PSKH2: variants seen among roughly 807,000 people sequenced by gnomAD.
The protein encoded by PSKH2 is protein serine kinase H2.
In PSKH2, 16 loss-of-function variants were observed where a neutral mutation model predicts 22.5. That is an observed-to-expected ratio of 0.71 (90% CI 0.48 to 1.08). The LOEUF (loss-of-function observed/expected upper bound fraction) is 1.08. Among genes scored for constraint, PSKH2 ranks in the 50% least tolerant of loss-of-function variants. PSKH2 has a pLI of 0.00. For synonymous variants in PSKH2, 188 were observed against 184.8 expected (o/e 1.02, Z -0.14); for missense variants, 516 against 492.8 (o/e 1.05, Z -0.44).
chr8:86,068,799 C>T (rs1361169499), intron 1 of PSKH2, among the ~76,000 whole-genome samples: 1 of 152,172 alleles, frequency 6.6e-6, no homozygotes, highest in African/African-American at 2.4e-5. Context: ...TCTTCCACCG[C>T]AGATGCTGGA....
intron 2 of PSKH2, among the ~76,000 whole-genome samples, chr8:86,051,189 C>CCATGCTGGGAGAGTGCCTCACTCTCA (rs565957544): frequency 1.0e-3 from 158 of 152,094 alleles, no homozygotes; most frequent in African/African-American, 2.7e-3. Context: ...CCTCACTCTC[C>CCATGCTGGGAGAGTGCCTCACTCTCA]CATGCTGGGA....
intron 2 of PSKH2, among the ~76,000 whole-genome samples, chr8:86,057,728 T>C (rs904574352): frequency 6.6e-6 from 1 of 152,184 alleles, no homozygotes; most frequent in Non-Finnish European, 1.5e-5. Flanking sequence ...TATTCCTTTA[T>C]GTGCTTTTGC....
chr8:86,065,977 T>TA (rs1275155724), intron 1 of PSKH2, among the ~76,000 whole-genome samples: 2 of 151,934 alleles, frequency 1.3e-5, no homozygotes, highest in Admixed American at 6.6e-5. Context: ...TCTCAAAAAT[T>TA]AAAAAAATAA....
chr8:86,056,454 C>T (rs76086959), intron 2 of PSKH2, among the ~76,000 whole-genome samples: 4,911 of 152,164 alleles, frequency 0.032, 272 homozygotes, highest in African/African-American at 0.11. Context: ...TGATTCACAA[C>T]TCATTGATGA....
At chr8:86,050,244 GC>G (rs34838668) in intron 2 of PSKH2, among the ~76,000 whole-genome samples, 2 of 152,176 alleles carry the variant, frequency 1.3e-5, no homozygotes, top group Non-Finnish European at 2.9e-5. Flanking sequence ...AGGAATGCAA[GC>G]CCCTTTAAAT....
intron 1 of PSKH2, among the ~76,000 whole-genome samples, 157 bp from the exon 2 acceptor site, chr8:86,064,788 C>T (rs972296023): frequency 6.6e-6 from 1 of 151,922 alleles, no homozygotes; most frequent in Non-Finnish European, 1.5e-5. Context: ...GAAAGGTACC[C>T]CAAATCCTGT....
At chr8:86,063,116 C>T (rs1817802249) in intron 2 of PSKH2, among the ~76,000 whole-genome samples, 1 of 152,118 alleles carries the variant, frequency 6.6e-6, no homozygotes. Context: ...TTTGTAAAAA[C>T]ATATACATGT....
chr8:86,049,718 GAAA>G (rs1563538600), intron 2 of PSKH2, among the ~76,000 whole-genome samples: 1,192 of 68,744 alleles, frequency 0.017, 67 homozygotes, highest in Middle Eastern at 0.055. Flanking sequence ...AAGAAAGAAA[GAAA>G]GAAAGAAAGA....
At chr8:86,055,035 A>G (rs771437184) in intron 2 of PSKH2, among the ~76,000 whole-genome samples, 2 of 152,206 alleles carry the variant, frequency 1.3e-5, no homozygotes, top group Non-Finnish European at 2.9e-5. Context: ...TCTTCTATGC[A>G]TAATATACAT....
intron 2 of PSKH2, among the ~76,000 whole-genome samples, chr8:86,054,473 T>A (rs1384877): frequency 0.29 from 44,815 of 152,120 alleles, 7,771 homozygotes; most frequent in East Asian, 0.49. Flanking sequence ...TATGACTTTG[T>A]TAGTAGTAGG....
intron 2 of PSKH2, among the ~76,000 whole-genome samples, chr8:86,060,627 T>C (rs1817763960): frequency 6.6e-6 from 1 of 152,190 alleles, no homozygotes; most frequent in Non-Finnish European, 1.5e-5. Context: ...AGGGAAGTAG[T>C]TAAGCCACCA....
intron 1 of PSKH2, among the ~76,000 whole-genome samples, chr8:86,068,572 C>G (rs183403339): frequency 6.6e-6 from 1 of 152,252 alleles, no homozygotes; most frequent in East Asian, 1.9e-4. Context: ...GAGATAGATA[C>G]TCCCATTTTA....
chr8:86,059,141 A>G (rs1453249735), intron 2 of PSKH2, among the ~76,000 whole-genome samples: 2 of 152,002 alleles, frequency 1.3e-5, no homozygotes, highest in African/African-American at 2.4e-5. Context: ...ATGTTTTGCA[A>G]TGTTGCTCAG....
intron 1 of PSKH2, among the ~76,000 whole-genome samples, chr8:86,065,797 A>T (rs955936782): frequency 6.6e-6 from 1 of 151,864 alleles, no homozygotes; most frequent in African/African-American, 2.4e-5. Context: ...AAAAACTGAG[A>T]CCCCTTCTCT....
chr8:86,060,958 C>T (rs1359740889), intron 2 of PSKH2, among the ~76,000 whole-genome samples: 1 of 152,158 alleles, frequency 6.6e-6, no homozygotes, highest in African/African-American at 2.4e-5. Context: ...AAGTGCTTTG[C>T]TTCTAAATCC....
intron 2 of PSKH2, among the ~76,000 whole-genome samples, chr8:86,050,286 C>T (rs945286460): frequency 6.6e-6 from 1 of 152,142 alleles, no homozygotes; most frequent in Non-Finnish European, 1.5e-5. Flanking sequence ...TGAAATATAA[C>T]AGCCTTCACT....
intron 2 of PSKH2, among the ~76,000 whole-genome samples, chr8:86,053,463 C>T (rs1421365023): frequency 6.6e-6 from 1 of 152,126 alleles, no homozygotes; most frequent in East Asian, 1.9e-4. Context: ...GTACTATAGA[C>T]CCCCTATCTC....
chr8:86,055,916 G>A (rs919357073), intron 2 of PSKH2, among the ~76,000 whole-genome samples: 2 of 152,030 alleles, frequency 1.3e-5, no homozygotes, highest in Non-Finnish European at 2.9e-5. Flanking sequence ...TAAGTAGATA[G>A]GGACCATTTT....
chr8:86,064,293 T>A lies in PSKH2; in HGVS notation c.524A>T (p.His175Leu). ...ATTCCTATGAGTTATCTGCAGCGCA[T>A]GCAAATACCTAATCCCATCAGCAAC... is the stretch of plus-strand genomic sequence containing the variant. ...QMVADGIRYLHALQITHRNLK... is the reference protein window; with the variant it reads ...QMVADGIRYLLALQITHRNLK... Residue 175 changes from histidine (H) to leucine (L), a missense_variant, in exon 2 of 3, where the codon CAT becomes CTT. Transcript: ENST00000276616. The A allele has an allele frequency of 1.9e-6, 3 of 1,614,134 alleles. No individual in the cohort carries two copies. Among genetic ancestry groups the A allele is most frequent in the Non-Finnish European group, 2.5e-6 (3 of 1,180,020 alleles).
Sources: allele counts gnomAD v4.1 joint callset (sites outside exome capture counted in the v4.1 genomes callset), GRCh38; gene constraint gnomAD v4.1.1; transcripts MANE v1.5; gene names NCBI Gene and HGNC (gene_info 2026-07-23, HGNC 2026-07-21).